GLIS3: variants seen among roughly 807,000 people sequenced by gnomAD.
The protein encoded by GLIS3 is GLIS family zinc finger 3, also known as zinc finger protein GLIS3.
Under a neutral mutation model 78.6 loss-of-function variants are expected in GLIS3, and 53 were observed. The observed-to-expected ratio is 0.67, with a 90% CI of 0.54 to 0.85. The LOEUF is 0.85. GLIS3 is among the 40% of genes least tolerant of loss of function. GLIS3 has a pLI of 0.00. For synonymous variants in GLIS3, 684 were observed against 509.9 expected (o/e 1.34, Z -4.60); for missense variants, 1,703 against 1,231.1 (o/e 1.38, Z -5.74).
At chr9:4,355,196 G>A in the GLIS3 span, among the ~76,000 whole-genome samples, 1 of 152,048 alleles carries the variant, frequency 6.6e-6, no homozygotes, top group Non-Finnish European at 1.5e-5. Flanking sequence ...TAGTAGAGTT[G>A]GAAAGTGTCC....
chr9:3,973,911 C>A (rs1015816308), intron 4 of GLIS3, among the ~76,000 whole-genome samples: 2 of 151,978 alleles, frequency 1.3e-5, no homozygotes, highest in Non-Finnish European at 2.9e-5. Flanking sequence ...TGAAAGCTAA[C>A]CAAATTTTTT....
At chr9:4,232,029 G>T (rs1264968210) in intron 2 of GLIS3, among the ~76,000 whole-genome samples, 13 of 152,062 alleles carry the variant, frequency 8.5e-5, no homozygotes. Flanking sequence ...GCTTTGTATA[G>T]GATTTGTATA....
chr9:4,356,683 C>T, the GLIS3 span, among the ~76,000 whole-genome samples: 2 of 152,268 alleles, frequency 1.3e-5, no homozygotes, highest in South Asian at 4.1e-4. Flanking sequence ...TCAAAGACTG[C>T]TTGTTTCATT....
intron 2 of GLIS3, among the ~76,000 whole-genome samples, chr9:4,334,109 A>G (rs186370975): frequency 1.2e-3 from 177 of 152,300 alleles, no homozygotes; most frequent in Non-Finnish European, 2.1e-3. Context: ...CAGTTACAGC[A>G]AGTTCTGACT....
At chr9:3,873,258 CCAGA>C (rs1321773493) in intron 8 of GLIS3, among the ~76,000 whole-genome samples, 1 of 152,190 alleles carries the variant, frequency 6.6e-6, no homozygotes. Context: ...GATACCCAAA[CCAGA>C]CAAAGTCACA....
chr9:4,390,955 T>A, the GLIS3 span, among the ~76,000 whole-genome samples: 1 of 152,182 alleles, frequency 6.6e-6, no homozygotes, highest in Non-Finnish European at 1.5e-5. Context: ...GTTCTCCACA[T>A]TGGGGCCTTT....
the GLIS3 span, among the ~76,000 whole-genome samples, chr9:4,487,628 A>G: frequency 5.3e-5 from 8 of 151,524 alleles, no homozygotes; most frequent in African/African-American, 1.7e-4. Context: ...AGGAATGTTT[A>G]TTTTGTAAAT....
chr9:4,386,401 T>C, the GLIS3 span: 3 of 152,062 alleles, frequency 2.0e-5, no homozygotes, highest in Non-Finnish European at 2.9e-5. Flanking sequence ...TTAAAAAAAA[T>C]TATGATTTTT....
In GLIS3 at chr9:3,990,348, G is replaced by A. The variant is rs570254; in HGVS notation, c.1711-53159C>T. ...TCCTATCAATCAACTGGCAATTACT[G>A]ATACCAACAGGTCTTAAGTTGCACA... On this transcript the variant is annotated intron_variant, in intron 4 of 10. Transcript: ENST00000381971. Among the ~76,000 whole-genome samples, 667 of 152,280 alleles carry A rather than the reference G, an allele frequency of 4.4e-3. 6 individuals carry two copies. Among genetic ancestry groups the A allele is most frequent in the African/African-American group, 0.015 (643 of 41,558 alleles).
chr9:4,308,241 C>A (rs1341640292), intron 4 of GLIS3, among the ~76,000 whole-genome samples: 1 of 151,926 alleles, frequency 6.6e-6, no homozygotes, highest in East Asian at 1.9e-4. Context: ...GACCCACAGC[C>A]CATGAACTGG....
chr9:3,898,972 G>T, intron 6 of GLIS3, 137 bp from the exon 7 acceptor site: 1 of 1,021,174 alleles, frequency 9.8e-7, no homozygotes, highest in Non-Finnish European at 1.5e-6. Context: ...AAGGCACAGA[G>T]CTTAACAGAG....
intron 3 of GLIS3, chr9:4,309,074 G>A (rs1369350839): frequency 6.6e-6 from 1 of 152,222 alleles, no homozygotes; most frequent in Admixed American, 6.5e-5. Flanking sequence ...CACACATAAT[G>A]TATGATAAAA....
chr9:4,093,041 C>T (rs947220723), intron 4 of GLIS3, among the ~76,000 whole-genome samples: 1 of 152,142 alleles, frequency 6.6e-6, no homozygotes, highest in Admixed American at 6.6e-5. Flanking sequence ...TATGGGGCCA[C>T]TGTTGTATGT....
intron 4 of GLIS3, among the ~76,000 whole-genome samples, chr9:4,057,427 G>C (rs974871430): frequency 6.6e-6 from 1 of 152,094 alleles, no homozygotes; most frequent in Admixed American, 6.6e-5. Context: ...TAAAGAGCTT[G>C]ATAGGAAAGC....
At chr9:4,180,796 C>T (rs921850862) in intron 2 of GLIS3, among the ~76,000 whole-genome samples, 3 of 152,268 alleles carry the variant, frequency 2.0e-5, no homozygotes, top group South Asian at 2.1e-4. Flanking sequence ...AACTGAGGAG[C>T]GGCGGTGTAG....
chr9:4,383,599 C>G, the GLIS3 span, among the ~76,000 whole-genome samples: 1 of 126,152 alleles, frequency 7.9e-6, no homozygotes, highest in Admixed American at 8.5e-5. Flanking sequence ...CTTCTAAATT[C>G]TAATTCTCTG....
chr9:4,121,620 GACACACACACACACACACACACAC>G (rs767610111), intron 3 of GLIS3, among the ~76,000 whole-genome samples: 1 of 142,114 alleles, frequency 7.0e-6, no homozygotes, highest in Non-Finnish European at 1.5e-5. Context: ...TTCTCCCAGT[GACACACACACACACACACACACAC>G]ACACACACAC....
chr9:4,228,234 C>T (rs1443689037), intron 2 of GLIS3, among the ~76,000 whole-genome samples: 4 of 149,558 alleles, frequency 2.7e-5, no homozygotes, highest in Non-Finnish European at 4.4e-5. Flanking sequence ...AGATGGGAAC[C>T]GCTCTCATGA....
intron 2 of GLIS3, among the ~76,000 whole-genome samples, chr9:4,344,341 T>C (rs2130590131): frequency 6.6e-6 from 1 of 152,362 alleles, no homozygotes; most frequent in South Asian, 2.1e-4. Flanking sequence ...GTCCTCATCC[T>C]ATTTCACCTG....
Sources: gnomAD v4.1 joint callset for allele counts (sites outside exome capture counted in the v4.1 genomes callset) on GRCh38, gnomAD v4.1.1 for gene constraint, MANE v1.5 for transcripts, NCBI Gene and HGNC (gene_info 2026-07-23, HGNC 2026-07-21) for gene names.